Variants in ARMC8 observed in about 807,000 individuals in gnomAD.
ARMC8 encodes the protein armadillo repeat-containing protein 8.
A neutral mutation model predicts 99.3 loss-of-function variants in ARMC8; 20 were observed. That is an observed-to-expected ratio of 0.20 (90% CI 0.14 to 0.29). ARMC8 has a LOEUF of 0.29. Among genes scored for constraint, ARMC8 ranks in the 10% least tolerant of loss-of-function variants. ARMC8 has a pLI of 1.00. For missense variants in ARMC8, 569 were observed against 809.5 expected (o/e 0.70, Z 3.60); for synonymous variants, 263 against 278.3 (o/e 0.95, Z 0.55).
chr3:138,264,864 T>C (rs1020860200), intron 14 of ARMC8, among the ~76,000 whole-genome samples: 7 of 151,724 alleles, frequency 4.6e-5, no homozygotes, highest in African/African-American at 7.3e-5. Context: ...ACAGAGATAA[T>C]GTGTTGTTCT....
At chr3:138,187,974 C>T (rs749769417) in intron 1 of ARMC8, 3 of 285,586 alleles carry the variant, frequency 1.1e-5, no homozygotes, top group East Asian at 1.4e-4. Context: ...TGTGAAGCGC[C>T]GGGCTTGCAG....
intron 12 of ARMC8, among the ~76,000 whole-genome samples, chr3:138,260,812 A>C (rs2047674837): frequency 6.6e-6 from 1 of 152,196 alleles, no homozygotes; most frequent in African/African-American, 2.4e-5. Flanking sequence ...GCCAATGCTA[A>C]TAGTATTTCT....
chr3:138,208,662 T>C (rs539662097), intron 1 of ARMC8, among the ~76,000 whole-genome samples: 7 of 152,154 alleles, frequency 4.6e-5, no homozygotes, highest in South Asian at 2.1e-4. Flanking sequence ...TAAGAACTTA[T>C]TGCTAACGGC....
intron 6 of ARMC8, among the ~76,000 whole-genome samples, chr3:138,230,616 T>A (rs1271275546): frequency 6.6e-6 from 1 of 152,168 alleles, no homozygotes; most frequent in Non-Finnish European, 1.5e-5. Flanking sequence ...ATTGCACCAC[T>A]GTACTTCAGC....
At chr3:138,255,201 T>TG (rs909055921) in intron 12 of ARMC8, among the ~76,000 whole-genome samples, 46 of 142,412 alleles carry the variant, frequency 3.2e-4, no homozygotes, top group Admixed American at 1.2e-3. Context: ...GTTTTTTTTT[T>TG]TTTTGTTTTT....
chr3:138,270,780 A>T (rs2048717341), intron 16 of ARMC8, among the ~76,000 whole-genome samples: 1 of 152,156 alleles, frequency 6.6e-6, no homozygotes, highest in South Asian at 2.1e-4. Flanking sequence ...ATAATTTGTA[A>T]TATATTGTAA....
chr3:138,243,223 G>C (rs1299784457), intron 11 of ARMC8, among the ~76,000 whole-genome samples: 1 of 152,194 alleles, frequency 6.6e-6, no homozygotes, highest in African/African-American at 2.4e-5. Flanking sequence ...CTAGTACGTA[G>C]ATTATCCCTT....
chr3:138,247,776 G>A (rs914727118), intron 12 of ARMC8, among the ~76,000 whole-genome samples: 1 of 152,178 alleles, frequency 6.6e-6, no homozygotes, highest in African/African-American at 2.4e-5. Flanking sequence ...TTGGGCCAGA[G>A]AATATTAAGC....
intron 1 of ARMC8, among the ~76,000 whole-genome samples, chr3:138,194,178 G>C (rs2043561205): frequency 1.3e-5 from 2 of 151,308 alleles, no homozygotes; most frequent in Non-Finnish European, 2.9e-5. Flanking sequence ...GAGTAGCTGG[G>C]ACTACAGGCA....
In ARMC8 at chr3:138,237,688, T is replaced by G. The variant is rs1043023506; in HGVS notation, c.776+116T>G. On this transcript the variant is annotated intron_variant, in intron 9 of 21. Coordinates refer to ENST00000469044, the MANE Select transcript of ARMC8 (RefSeq NM_001363941.2). ...CCATTTTATTTTGAGATTTTGAAAT[T>G]TGAAAGTCAGGAGTCCATCCCACAT... is the stretch of plus-strand genomic sequence containing the variant. 5 of 832,858 alleles carry G rather than the reference T, an allele frequency of 6.0e-6. No individual in the cohort carries two copies. The African/African-American group carries it at 8.6e-5, about 14-fold the overall frequency. The allele number at this position is 832,858 out of a possible 1,614,324, so 51.6% of individuals were successfully genotyped here. A position where few individuals can be genotyped will look rare whatever the true frequency, so the allele number is the denominator to read the frequency against.
At position 138,270,029 on chromosome 3, in the gene ARMC8, T is replaced by C; in HGVS notation, c.1387-11T>C. ...AAAGCTGTGATTTTTTTTTTCCCTG[T>C]CCAATGGCAGCCAATTTTGGAATCA... is the stretch of plus-strand genomic sequence containing the variant. On this transcript the variant is annotated splice_polypyrimidine_tract_variant and intron_variant, in intron 15 of 21. Transcript: ENST00000469044. 1 of 1,598,450 alleles carries C rather than the reference T, an allele frequency of 6.3e-7. No homozygotes were observed. Among genetic ancestry groups the C allele is most frequent in the Non-Finnish European group, 8.6e-7 (1 of 1,166,482 alleles).
chr3:138,257,677 A>G (rs898201366), intron 12 of ARMC8, among the ~76,000 whole-genome samples: 1 of 152,186 alleles, frequency 6.6e-6, no homozygotes, highest in Non-Finnish European at 1.5e-5. Flanking sequence ...TAAAAAATAA[A>G]AAAAAAATTT....
At chr3:138,261,175 A>G (rs968389693) in intron 12 of ARMC8, among the ~76,000 whole-genome samples, 6 of 152,252 alleles carry the variant, frequency 3.9e-5, no homozygotes, top group South Asian at 2.1e-4. Flanking sequence ...ACACACTACT[A>G]TGACCCCCAA....
At chr3:138,218,268 T>C (rs967596242) in intron 2 of ARMC8, among the ~76,000 whole-genome samples, 2 of 152,206 alleles carry the variant, frequency 1.3e-5, no homozygotes, top group Non-Finnish European at 2.9e-5. Flanking sequence ...TTAACTAATA[T>C]TATAAGCATT....
At chr3:138,244,224 G>A (rs975315667) in intron 11 of ARMC8, among the ~76,000 whole-genome samples, 7 of 151,876 alleles carry the variant, frequency 4.6e-5, no homozygotes, top group African/African-American at 1.7e-4. Flanking sequence ...GGTTTGTTAA[G>A]CATTTTCACA....
intron 12 of ARMC8, among the ~76,000 whole-genome samples, chr3:138,250,761 C>T (rs2047085957): frequency 6.6e-6 from 1 of 152,064 alleles, no homozygotes; most frequent in Admixed American, 6.5e-5. Context: ...CATTTTGAAC[C>T]AATGTAATTT....
intron 6 of ARMC8, among the ~76,000 whole-genome samples, chr3:138,231,961 CTTTT>C (rs61298993): frequency 3.4e-5 from 2 of 58,634 alleles, no homozygotes; most frequent in South Asian, 9.9e-4. Context: ...CTTGCAATTG[CTTTT>C]TTTTTTTTTT....
At position 138,219,525 on chromosome 3, in the gene ARMC8, C is replaced by T. The variant is rs544277690; in HGVS notation, c.123-2401C>T. 2.6e-5 allele frequency among the ~76,000 whole-genome samples: 4 copies of T among 152,266 alleles called. No individual in the cohort carries two copies. The South Asian group carries it at 8.3e-4, about 32-fold the overall frequency. Reference sequence around the variant, plus strand: ...AGATGACGGAGAAAGAATAACTACACTCTGGGAACTGAAAGAAGCTTCATC... The same window carrying T: ...AGATGACGGAGAAAGAATAACTACATTCTGGGAACTGAAAGAAGCTTCATC... On this transcript the variant is annotated intron_variant, in intron 2 of 21. Transcript: ENST00000469044.
At chr3:138,272,523 C>A (rs116649628) in intron 16 of ARMC8, among the ~76,000 whole-genome samples, 1 of 152,144 alleles carries the variant, frequency 6.6e-6, no homozygotes, top group African/African-American at 2.4e-5. Flanking sequence ...TAACAAGAAT[C>A]AAGAAAATAG....
Sources: gnomAD v4.1 joint callset for allele counts (sites outside exome capture counted in the v4.1 genomes callset) on GRCh38, gnomAD v4.1.1 for gene constraint, MANE v1.5 for transcripts, NCBI Gene and HGNC (gene_info 2026-07-23, HGNC 2026-07-21) for gene names.